The following CCDC60 variants were observed in gnomAD, a reference collection of about 807,000 sequenced individuals.
CCDC60 encodes coiled-coil domain-containing protein 60.
In CCDC60, 54 loss-of-function variants were observed where a neutral mutation model predicts 63.5. That is an observed-to-expected ratio of 0.85 (90% CI 0.68 to 1.07). The LOEUF (loss-of-function observed/expected upper bound fraction) is 1.07, where lower values mean the gene tolerates loss of function less well. Among genes scored for constraint, CCDC60 ranks in the 50% least tolerant of loss-of-function variants. The probability of loss-of-function intolerance (pLI) is 0.00; values close to 1 mark genes in which losing one functional copy is unlikely to be tolerated. For synonymous variants in CCDC60, 206 were observed against 238.8 expected (o/e 0.86, Z 1.27); for missense variants, 651 against 684.3 (o/e 0.95, Z 0.54).
At chr12:119,360,614 G>A (rs1955775740) in intron 1 of CCDC60, among the ~76,000 whole-genome samples, 1 of 152,040 alleles carries the variant, frequency 6.6e-6, no homozygotes, top group Admixed American at 6.5e-5. Flanking sequence ...ATCCCAAACA[G>A]GGCGGCGGGG....
intron 1 of CCDC60, among the ~76,000 whole-genome samples, chr12:119,374,388 G>T (rs113583550): frequency 7.4e-4 from 112 of 152,308 alleles, no homozygotes; most frequent in Middle Eastern, 3.4e-3. Context: ...AAAGCACAGA[G>T]AAGTTAACTG....
At chr12:119,417,812 C>G (rs1009399655) in intron 1 of CCDC60, among the ~76,000 whole-genome samples, 25 of 152,216 alleles carry the variant, frequency 1.6e-4, no homozygotes, top group African/African-American at 2.7e-4. Context: ...TGGGTCCTAC[C>G]TTTGTTTCCC....
chr12:119,368,057 GA>G (rs1264886875), intron 1 of CCDC60, among the ~76,000 whole-genome samples: 13 of 131,810 alleles, frequency 9.9e-5, no homozygotes, highest in African/African-American at 3.7e-4. Context: ...TTTTTCTGAA[GA>G]AAAAAAGAAG....
At chr12:119,367,289 T>G (rs566387631) in intron 1 of CCDC60, among the ~76,000 whole-genome samples, 3 of 152,332 alleles carry the variant, frequency 2.0e-5, no homozygotes, top group Non-Finnish European at 2.9e-5. Flanking sequence ...AGAGGACTTG[T>G]GCAAGGTCAT....
intron 8 of CCDC60, among the ~76,000 whole-genome samples, chr12:119,519,072 G>A (rs1476362683): frequency 2.0e-5 from 3 of 152,284 alleles, no homozygotes; most frequent in Non-Finnish European, 2.9e-5. Context: ...ACAGAGAGAC[G>A]GTTAGGAAAA....
At chr12:119,344,046 T>C (rs1955560576) in intron 1 of CCDC60, among the ~76,000 whole-genome samples, 1 of 152,052 alleles carries the variant, frequency 6.6e-6, no homozygotes, top group African/African-American at 2.4e-5. Context: ...TTTAAATAAT[T>C]GGAAATATCT....
At chr12:119,356,185 T>C (rs1955716264) in intron 1 of CCDC60, among the ~76,000 whole-genome samples, 1 of 152,252 alleles carries the variant, frequency 6.6e-6, no homozygotes, top group South Asian at 2.1e-4. Context: ...TTCTTAACTT[T>C]AGATTTTCTG....
chr12:119,512,576 T>A (rs558570278), intron 7 of CCDC60, among the ~76,000 whole-genome samples: 1 of 152,152 alleles, frequency 6.6e-6, no homozygotes. Flanking sequence ...GATGGGAAGA[T>A]AGCATTCTTC....
chr12:119,361,708 G>A (rs1592991488), intron 1 of CCDC60, among the ~76,000 whole-genome samples: 1 of 152,146 alleles, frequency 6.6e-6, no homozygotes, highest in Non-Finnish European at 1.5e-5. Context: ...CCCAACTGTT[G>A]ACAAGACAAA....
chr12:119,488,763 C>A lies in CCDC60; in HGVS notation c.454C>A (p.Pro152Thr). 6.2e-7 allele frequency: 1 copy of A among 1,613,696 alleles called. No individual in the cohort carries two copies. The highest frequency in any genetic ancestry group is 1.1e-5 in the South Asian group (1 of 91,080). Residue 152 changes from proline (P) to threonine (T), a missense_variant, in exon 5 of 14, where the codon CCC becomes ACC. Pro to Thr is a conservative substitution (Grantham distance 38). Coordinates refer to ENST00000327554, the MANE Select transcript of CCDC60 (RefSeq NM_178499.5). ...SPSLTEAHVE[P>T]LFRQLCALHW... ...TCCCTCTCTCTGTCTTTGCAGCGAG[C>A]CCCTCTTCCGCCAGCTCTGTGCTCT... is the stretch of plus-strand genomic sequence containing the variant.
chr12:119,432,298 A>G (rs1950243216), intron 2 of CCDC60, among the ~76,000 whole-genome samples: 1 of 152,192 alleles, frequency 6.6e-6, no homozygotes, highest in African/African-American at 2.4e-5. Flanking sequence ...GCGAGGGATG[A>G]GCCTCCCAAA....
chr12:119,459,467 A>G (rs930400973), intron 2 of CCDC60, among the ~76,000 whole-genome samples: 30 of 152,228 alleles, frequency 2.0e-4, no homozygotes, highest in Non-Finnish European at 2.9e-5. Flanking sequence ...GGATCTAGGT[A>G]ACCATAGTAG....
chr12:119,501,106 C>A (rs1951841165), intron 6 of CCDC60, among the ~76,000 whole-genome samples: 1 of 152,192 alleles, frequency 6.6e-6, no homozygotes, highest in South Asian at 2.1e-4. Context: ...GAACCTGTCC[C>A]CTAACCTATG....
At chr12:119,441,272 T>C (rs1950439228) in intron 2 of CCDC60, among the ~76,000 whole-genome samples, 1 of 152,226 alleles carries the variant, frequency 6.6e-6, no homozygotes, top group Admixed American at 6.5e-5. Flanking sequence ...TCTCTTCCTG[T>C]TGGGATTGTT....
chr12:119,531,024 T>A lies in CCDC60; in HGVS notation c.1512T>A (p.Ile504=), dbSNP rs1435077526. 5.0e-6 allele frequency: 8 copies of A among 1,614,006 alleles called. No individual in the cohort carries two copies. Among genetic ancestry groups the A allele is most frequent in the South Asian group, 2.2e-5 (2 of 91,064 alleles). The part of the protein sequence containing the change: ...VLLKVLQDLR[I]WELCSPDIAV... The stretch of plus-strand genomic sequence containing the variant: ...TGAAGGTGCTGCAGGATCTGAGGAT[T>A]TGGGAACTGTGCTCCCCTGACATCG... Residue 504 remains isoleucine (I), a synonymous_variant, in exon 13 of 14, where the codon ATT becomes ATA. Transcript: ENST00000327554.
intron 1 of CCDC60, among the ~76,000 whole-genome samples, chr12:119,348,710 A>G (rs1955622701): frequency 6.6e-6 from 1 of 152,200 alleles, no homozygotes; most frequent in Non-Finnish European, 1.5e-5. Flanking sequence ...TTTTATGTGC[A>G]TCCCAGCCAT....
intron 12 of CCDC60, among the ~76,000 whole-genome samples, chr12:119,529,955 A>G (rs1009959790): frequency 2.0e-5 from 3 of 152,138 alleles, no homozygotes; most frequent in Non-Finnish European, 4.4e-5. Context: ...CAAACAAACC[A>G]CAGCGTCGTA....
chr12:119,525,470 A>T (rs2393533), intron 11 of CCDC60, among the ~76,000 whole-genome samples: 12,333 of 152,290 alleles, frequency 0.081, 619 homozygotes, highest in Non-Finnish European at 0.11. Flanking sequence ...CCTGTAAGCC[A>T]GAAGAGACTG....
chr12:119,422,749 A>G (rs928189945), intron 1 of CCDC60, among the ~76,000 whole-genome samples: 1 of 152,228 alleles, frequency 6.6e-6, no homozygotes, highest in Non-Finnish European at 1.5e-5. Context: ...AAACCGTATC[A>G]GATGGTGATG....
Sources: allele counts gnomAD v4.1 joint callset (sites outside exome capture counted in the v4.1 genomes callset), GRCh38; gene constraint gnomAD v4.1.1; transcripts MANE v1.5; gene names NCBI Gene and HGNC (gene_info 2026-07-23, HGNC 2026-07-21).